The following THSD7A variants were observed in gnomAD, a reference collection of about 807,000 sequenced individuals.
THSD7A encodes the protein thrombospondin type-1 domain-containing protein 7A.
Under a neutral mutation model 231.3 loss-of-function variants are expected in THSD7A, and 96 were observed. The observed-to-expected ratio is 0.41, with a 90% confidence interval of 0.35 to 0.49. The LOEUF (loss-of-function observed/expected upper bound fraction) is 0.49, where lower values mean the gene tolerates loss of function less well. Among genes scored for constraint, THSD7A ranks in the 20% least tolerant of loss-of-function variants. The pLI, the probability that THSD7A is intolerant of heterozygous loss-of-function variation, is 0.05. For missense variants in THSD7A, 2,290 were observed against 2,070.2 expected, an observed-to-expected ratio of 1.11 and a Z score of -2.06; for synonymous variants, 940 against 743.3, an observed-to-expected ratio of 1.26 and a Z score of -4.30.
chr7:11,560,764 C>G, intron 4 of THSD7A, among the ~76,000 whole-genome samples: 1 of 151,558 alleles, frequency 6.6e-6, no homozygotes, highest in East Asian at 1.9e-4. Context: ...AGTAACAAAC[C>G]CAACTTGCTC....
intron 1 of THSD7A, among the ~76,000 whole-genome samples, chr7:11,797,505 C>T (rs2128180210): frequency 6.6e-6 from 1 of 150,806 alleles, no homozygotes; most frequent in East Asian, 2.0e-4. Context: ...TAGCCTTGAC[C>T]TCCTAGGTTT....
intron 13 of THSD7A, among the ~76,000 whole-genome samples, chr7:11,433,899 T>G (rs1382065401): frequency 6.6e-6 from 1 of 152,006 alleles, no homozygotes; most frequent in African/African-American, 2.4e-5. Flanking sequence ...ATCTCTCAAA[T>G]AAAATGCAGC....
chr7:11,751,527 G>T (rs1036846489), intron 1 of THSD7A, among the ~76,000 whole-genome samples: 1 of 151,940 alleles, frequency 6.6e-6, no homozygotes, highest in African/African-American at 2.4e-5. Context: ...GGCATATAAA[G>T]AGAGTACAAC....
intron 4 of THSD7A, among the ~76,000 whole-genome samples, chr7:11,544,118 C>A (rs1239731516): frequency 6.6e-6 from 1 of 152,050 alleles, no homozygotes; most frequent in Admixed American, 6.6e-5. Context: ...ACGAGGTGGG[C>A]AGATCACGAG....
intron 1 of THSD7A, among the ~76,000 whole-genome samples, chr7:11,679,724 T>G (rs1783790871): frequency 6.6e-6 from 1 of 152,216 alleles, no homozygotes; most frequent in South Asian, 2.1e-4. Context: ...AAGCATTCCA[T>G]GCTCATGGAT....
chr7:11,436,045 A>G (rs1185538771), intron 13 of THSD7A, among the ~76,000 whole-genome samples: 2 of 152,106 alleles, frequency 1.3e-5, no homozygotes, highest in Non-Finnish European at 2.9e-5. Context: ...TTCAACCATA[A>G]TAACAAACCT....
At chr7:11,505,954 G>C (rs190606236) in intron 6 of THSD7A, among the ~76,000 whole-genome samples, 1 of 152,176 alleles carries the variant, frequency 6.6e-6, no homozygotes, top group African/African-American at 2.4e-5. Flanking sequence ...AAGAGCACCT[G>C]TTTTTGAAAG....
chr7:11,732,912 T>A (rs10276580), intron 1 of THSD7A, among the ~76,000 whole-genome samples: 1 of 151,446 alleles, frequency 6.6e-6, no homozygotes, highest in African/African-American at 2.4e-5. Context: ...GATGACCCTG[T>A]ACCACTTATT....
chr7:11,477,156 G>C (rs1786224891), intron 7 of THSD7A, among the ~76,000 whole-genome samples: 1 of 152,116 alleles, frequency 6.6e-6, no homozygotes. Flanking sequence ...AGATGATTTA[G>C]TTCAGAATCA....
In THSD7A at chr7:11,765,557, A is replaced by T. The variant is rs572864258; in HGVS notation, c.190+66200T>A. Among the ~76,000 whole-genome samples the T allele has an allele frequency of 2.1e-3, 319 of 152,306 alleles. 7 individuals carry two copies. In the South Asian group the frequency reaches 0.028, roughly 13 times the overall value. ...TAAAATATATATGGTTTGTATAATA[A>T]TTTGTAGAGAAAAAACTTTGACTAT... On this transcript the variant is annotated intron_variant, in intron 1 of 27. Coordinates refer to ENST00000423059, the MANE Select transcript of THSD7A (RefSeq NM_015204.3).
chr7:11,507,749 T>G (rs551172026), intron 6 of THSD7A, among the ~76,000 whole-genome samples: 3 of 152,294 alleles, frequency 2.0e-5, no homozygotes, highest in East Asian at 1.9e-4. Flanking sequence ...GAAGAAATAT[T>G]TGGTTTTTAT....
At chr7:11,489,666 T>C (rs190050715) in intron 6 of THSD7A, among the ~76,000 whole-genome samples, 11 of 152,160 alleles carry the variant, frequency 7.2e-5, no homozygotes, top group African/African-American at 2.4e-4. Flanking sequence ...CCAATGTGCT[T>C]GGCATATCCC....
chr7:11,401,014 G>A (rs1326659551), intron 23 of THSD7A, among the ~76,000 whole-genome samples: 2 of 151,862 alleles, frequency 1.3e-5, no homozygotes, highest in South Asian at 2.1e-4. Context: ...GTGTGTATAC[G>A]TTCACACAGA....
chr7:11,496,732 C>T (rs767687150), intron 6 of THSD7A, among the ~76,000 whole-genome samples: 8 of 152,102 alleles, frequency 5.3e-5, no homozygotes, highest in Non-Finnish European at 1.0e-4. Flanking sequence ...GGAAACTATA[C>T]AGATGAAATA....
chr7:11,543,549 C>T (rs759820968), intron 4 of THSD7A, among the ~76,000 whole-genome samples: 1 of 152,140 alleles, frequency 6.6e-6, no homozygotes, highest in Non-Finnish European at 1.5e-5. Flanking sequence ...TGAGTAGTTC[C>T]TGGTGGAGAA....
intron 1 of THSD7A, chr7:11,820,857 T>G: frequency 1.1e-6 from 1 of 939,894 alleles, no homozygotes; most frequent in Admixed American, 1.9e-5. Context: ...GTTTTCTGTT[T>G]TCTCAGCTGA....
At chr7:11,759,855 A>T (rs969845670) in intron 1 of THSD7A, among the ~76,000 whole-genome samples, 4 of 152,098 alleles carry the variant, frequency 2.6e-5, no homozygotes, top group African/African-American at 4.8e-5. Context: ...GCATATTCTC[A>T]TTAATAGAAC....
intron 1 of THSD7A, among the ~76,000 whole-genome samples, chr7:11,732,193 C>T (rs946278110): frequency 3.3e-5 from 5 of 151,184 alleles, no homozygotes; most frequent in African/African-American, 1.2e-4. Context: ...AAAATGAACA[C>T]GTATTTTTAT....
rs899237451 is a variant in THSD7A, at chr7:11,542,948, G to T, written c.1609+14C>A. ...TGGTGGGTATAAAAGGCATGTCATG[G>T]TCACGTTACCTACCTTTTTTCCCTT... On this transcript the variant is annotated intron_variant, in intron 5 of 27. Transcript: ENST00000423059. The T allele has an allele frequency of 3.7e-6, 6 of 1,611,254 alleles. No homozygotes were observed. Among genetic ancestry groups the T allele is most frequent in the Non-Finnish European group, 5.1e-6 (6 of 1,178,574 alleles).
Sources: gnomAD v4.1 joint callset for allele counts (sites outside exome capture counted in the v4.1 genomes callset) on GRCh38, gnomAD v4.1.1 for gene constraint, MANE v1.5 for transcripts, NCBI Gene and HGNC (gene_info 2026-07-23, HGNC 2026-07-21) for gene names.